Variants in LDAH observed in about 807,000 individuals in gnomAD.
The protein encoded by LDAH is lipid droplet associated hydrolase, also known as lipid droplet-associated hydrolase.
LDAH carries 26 observed loss-of-function variants against 29.6 expected under a neutral mutation model. The ratio of observed to expected loss-of-function variants is 0.88; its 90% CI spans 0.64 to 1.22. LDAH has a LOEUF of 1.22. LDAH is among the 50% of genes most tolerant of loss of function. The pLI is 0.00. For missense variants in LDAH, 344 were observed against 387.3 expected, an observed-to-expected ratio of 0.89 and a Z score of 0.94; for synonymous variants, 117 against 133.0, an observed-to-expected ratio of 0.88 and a Z score of 0.83.
intron 4 of LDAH, among the ~76,000 whole-genome samples, chr2:20,761,393 A>G (rs959321477): frequency 1.2e-4 from 19 of 152,218 alleles, no homozygotes; most frequent in Non-Finnish European, 1.2e-4. Context: ...GCTATAAAAA[A>G]AAATTACACT....
chr2:20,694,490 T>C (rs964039080), intron 6 of LDAH, among the ~76,000 whole-genome samples: 4 of 152,256 alleles, frequency 2.6e-5, no homozygotes, highest in African/African-American at 9.6e-5. Context: ...ACTTGCAGAA[T>C]TGCTAAAGAA....
chr2:20,730,217 A>G (rs1400130061), intron 5 of LDAH, among the ~76,000 whole-genome samples: 1 of 152,178 alleles, frequency 6.6e-6, no homozygotes, highest in Non-Finnish European at 1.5e-5. Flanking sequence ...TACCCATTGA[A>G]AATACCTCTG....
chr2:20,790,121 AC>A, intron 3 of LDAH, 133 bp downstream of exon 3: 3 of 857,330 alleles, frequency 3.5e-6, no homozygotes, highest in Non-Finnish European at 5.3e-6. Flanking sequence ...TCCTAAGTTT[AC>A]CAAAATATGG....
At chr2:20,814,449 G>T (rs975694002) in intron 1 of LDAH, among the ~76,000 whole-genome samples, 2 of 152,058 alleles carry the variant, frequency 1.3e-5, no homozygotes, top group Admixed American at 6.6e-5. Context: ...AGAACTTTTT[G>T]ATTTTTTATT....
chr2:20,784,676 A>G (rs1403677657), intron 3 of LDAH, among the ~76,000 whole-genome samples: 3 of 152,004 alleles, frequency 2.0e-5, no homozygotes, highest in Admixed American at 6.6e-5. Flanking sequence ...CTTGAGCCCA[A>G]GGAGTTCCAA....
chr2:20,697,713 C>T (rs1286738672), intron 6 of LDAH, among the ~76,000 whole-genome samples: 4 of 152,158 alleles, frequency 2.6e-5, no homozygotes, highest in African/African-American at 4.8e-5. Context: ...GTTTCTCTAA[C>T]GCAGGGCTTC....
chr2:20,789,066 T>G, intron 3 of LDAH: 1 of 1,492,704 alleles, frequency 6.7e-7, no homozygotes, highest in Non-Finnish European at 9.1e-7. Flanking sequence ...TCTTGCTCCC[T>G]TCTGTGCTAC....
chr2:20,792,467 G>A (rs1198930989), intron 2 of LDAH, among the ~76,000 whole-genome samples: 1 of 152,098 alleles, frequency 6.6e-6, no homozygotes, highest in African/African-American at 2.4e-5. Flanking sequence ...ATGACTGAAA[G>A]TATATACAAA....
At chr2:20,818,615 T>C (rs1445266276) in intron 1 of LDAH, among the ~76,000 whole-genome samples, 2 of 152,080 alleles carry the variant, frequency 1.3e-5, no homozygotes, top group Non-Finnish European at 2.9e-5. Flanking sequence ...ATTCTCTTCC[T>C]TTCTCATCAG....
At chr2:20,744,000 C>A (rs1408998776) in intron 4 of LDAH, among the ~76,000 whole-genome samples, 1 of 151,882 alleles carries the variant, frequency 6.6e-6, no homozygotes, top group African/African-American at 2.4e-5. Flanking sequence ...ATAAGCCCAT[C>A]AAAGCCATTT....
At chr2:20,768,312 C>G (rs1669179401) in intron 4 of LDAH, among the ~76,000 whole-genome samples, 1 of 152,202 alleles carries the variant, frequency 6.6e-6, no homozygotes, top group Admixed American at 6.5e-5. Context: ...AGCTGTGACT[C>G]CCTCTTTGGG....
At position 20,733,842 on chromosome 2, in the gene LDAH, C is replaced by T. The variant is rs185902609; in HGVS notation, c.703+6129G>A. Among the ~76,000 whole-genome samples, 262 of 152,250 alleles carry T rather than the reference C, an allele frequency of 1.7e-3. 1 individual carries two copies. Among genetic ancestry groups the T allele is most frequent in the African/African-American group, 5.8e-3 (239 of 41,562 alleles). On this transcript the variant is annotated intron_variant, in intron 5 of 6. Transcript: ENST00000237822. ...TTGTGAGCTATAGTTTTATTAATTA[C>T]ATGTAGTATTATTTGAATTTCTTTG... is the stretch of plus-strand genomic sequence containing the variant.
At chr2:20,687,294 G>A (rs957382158) in intron 6 of LDAH, among the ~76,000 whole-genome samples, 200 bp from the exon 7 acceptor site, 2 of 152,152 alleles carry the variant, frequency 1.3e-5, no homozygotes, top group Admixed American at 1.3e-4. Flanking sequence ...AGAATTTGGT[G>A]GGAAGATCCC....
intron 1 of LDAH, among the ~76,000 whole-genome samples, chr2:20,801,966 G>A (rs973889452): frequency 4.0e-5 from 6 of 151,482 alleles, no homozygotes; most frequent in African/African-American, 1.5e-4. Context: ...GTATGTGTGT[G>A]TGTGTGTGTG....
At chr2:20,743,463 T>C (rs1667345873) in intron 4 of LDAH, among the ~76,000 whole-genome samples, 1 of 152,218 alleles carries the variant, frequency 6.6e-6, no homozygotes, top group South Asian at 2.1e-4. Context: ...TAGTGTATCA[T>C]ACAAAAACAA....
intron 1 of LDAH, among the ~76,000 whole-genome samples, chr2:20,815,700 G>A (rs1672800142): frequency 6.6e-6 from 1 of 151,942 alleles, no homozygotes; most frequent in Non-Finnish European, 1.5e-5. Flanking sequence ...CAGGAACAAA[G>A]GGGAACAACA....
intron 1 of LDAH, among the ~76,000 whole-genome samples, chr2:20,820,311 G>A (rs1175646866): frequency 6.6e-6 from 1 of 152,146 alleles, no homozygotes; most frequent in African/African-American, 2.4e-5. Context: ...TGCCAAGTCA[G>A]TCCTAAGCAA....
chr2:20,729,260 T>C (rs1191140396), intron 5 of LDAH, among the ~76,000 whole-genome samples: 1 of 152,250 alleles, frequency 6.6e-6, no homozygotes, highest in Non-Finnish European at 1.5e-5. Flanking sequence ...GAAGTGTATA[T>C]AACTCTGATG....
chr2:20,785,992 G>A (rs887914777), intron 3 of LDAH, among the ~76,000 whole-genome samples: 2 of 152,076 alleles, frequency 1.3e-5, no homozygotes, highest in African/African-American at 4.8e-5. Context: ...TTCTAAAATT[G>A]GTAATAAGTA....
Sources: allele counts gnomAD v4.1 joint callset (sites outside exome capture counted in the v4.1 genomes callset), GRCh38; gene constraint gnomAD v4.1.1; transcripts MANE v1.5; gene names NCBI Gene and HGNC (gene_info 2026-07-23, HGNC 2026-07-21).